The following TANC1 variants were observed in gnomAD, a reference collection of about 807,000 sequenced individuals.
TANC1 encodes tetratricopeptide repeat, ankyrin repeat and coiled-coil containing 1, also known as protein TANC1.
TANC1 carries 77 observed loss-of-function variants against 149.7 expected under a neutral mutation model. That is an observed-to-expected ratio of 0.51 (90% confidence interval 0.43 to 0.62). TANC1 has a LOEUF of 0.62. Among genes scored for constraint, TANC1 ranks in the 20% least tolerant of loss-of-function variants. TANC1 has a pLI of 0.00. For synonymous variants in TANC1, 854 were observed against 925.0 expected (o/e 0.92, Z 1.39); for missense variants, 1,985 against 2,321.8 (o/e 0.85, Z 2.98).
chr2:159,053,288 AAAG>A (rs1173562383), intron 2 of TANC1, among the ~76,000 whole-genome samples: 109 of 152,240 alleles, frequency 7.2e-4, no homozygotes, highest in African/African-American at 2.4e-3. Flanking sequence ...GAAAAAAAAA[AAAG>A]AGAAAAAAAT....
intron 3 of TANC1, among the ~76,000 whole-genome samples, chr2:159,074,721 C>T (rs2043480375): frequency 6.6e-6 from 1 of 152,016 alleles, no homozygotes; most frequent in South Asian, 2.1e-4. Context: ...TTGTCTTAGT[C>T]TGCTTGAGCT....
chr2:159,083,360 ATGT>A (rs1230521871), intron 3 of TANC1, among the ~76,000 whole-genome samples: 1 of 151,568 alleles, frequency 6.6e-6, no homozygotes, highest in South Asian at 2.1e-4. Flanking sequence ...CCCACCAGCC[ATGT>A]TGTATGTGAC....
At position 159,150,536 on chromosome 2, in the gene TANC1, GC is replaced by G. The variant is rs757538357; in HGVS notation, c.663del (p.Ser221ArgfsTer7). ...AGCAGCCCTAGTTCCACCCTGGAAA[GC>G]AAGGACAGTGGAATTATAGGTAAGA... ...TISSPSSTLE[S>X]KDSGIIATIT... On this transcript the variant is annotated frameshift_variant, in exon 7 of 27. Coordinates refer to ENST00000263635, the MANE Select transcript of TANC1 (RefSeq NM_033394.3). LOFTEE classifies it high-confidence loss of function. 2 of 1,613,910 alleles carry G rather than the reference GC, an allele frequency of 1.2e-6. No homozygotes were observed. The highest frequency in any genetic ancestry group is 1.7e-6 in the Non-Finnish European group (2 of 1,179,824).
In TANC1 at chr2:159,152,246, T is replaced by C. The variant is rs541178687; in HGVS notation, c.682+1690T>C. ...TTTCCCAGCGTTACTTCTGTTCTTA[T>C]GCCCTATCTCTTCTGAGCTGTCCAC... is the stretch of plus-strand genomic sequence containing the variant. On this transcript the variant is annotated intron_variant, in intron 7 of 26. Transcript: ENST00000263635. Among the ~76,000 whole-genome samples the C allele has an allele frequency of 9.8e-5, 15 of 152,326 alleles. 1 individual carries two copies. The highest frequency in any genetic ancestry group is 2.1e-4 in the South Asian group (1 of 4,818).
chr2:159,003,183 A>T (rs2036781780), intron 2 of TANC1, among the ~76,000 whole-genome samples: 1 of 152,198 alleles, frequency 6.6e-6, no homozygotes, highest in South Asian at 2.1e-4. Context: ...ATATGTGCTC[A>T]CTGGTGCCAA....
chr2:159,230,327 C>G lies in TANC1; in HGVS notation c.4901C>G (p.Ser1634Cys), dbSNP rs1483751577. 2 of 1,614,164 alleles carry G rather than the reference C, an allele frequency of 1.2e-6. No homozygotes were observed. Among genetic ancestry groups the G allele is most frequent in the East Asian group, 2.2e-5 (1 of 44,878 alleles). Residue 1634 changes from serine (S) to cysteine (C), a missense_variant, in exon 27 of 27, where the codon TCC (serine) becomes TGC (cysteine). By Grantham distance (112) the Ser-to-Cys change is moderately radical. Transcript: ENST00000263635. This position sits in a 1 kb window ranked among gnomAD's most constrained non-coding sequence, Gnocchi z 4.4. ...TKTTERLLSH[S>C]SVAVDAAPPN... ...ACCACAGAGAGGCTTCTGTCTCATT[C>G]CTCCGTGGCTGTGGACGCAGCCCCT...
rs574908038 is a variant in TANC1 at position 159,192,023 on chromosome 2, GA to G, written c.2743-2224del. ...TTTGTATCTAATGATCTGAAGATCT[GA>G]AAAAAAAAATATTATTATACCTAAA... On this transcript the variant is annotated intron_variant, in intron 16 of 26. Coordinates refer to ENST00000263635, the MANE Select transcript of TANC1 (RefSeq NM_033394.3). Among the ~76,000 whole-genome samples, 485 of 149,262 alleles carry G rather than the reference GA, an allele frequency of 3.2e-3. 4 individuals carry two copies. The highest frequency in any genetic ancestry group is 0.011 in the African/African-American group (441 of 40,832).
At chr2:159,025,241 T>TTTCTTTC (rs1559144600) in intron 2 of TANC1, among the ~76,000 whole-genome samples, 4 of 47,410 alleles carry the variant, frequency 8.4e-5, no homozygotes, top group Non-Finnish European at 2.0e-4. Flanking sequence ...TTCTTTCTTT[T>TTTCTTTC]CTCCTTCCTT....
Position 159,224,360 on chromosome 2 carries a change from GT to G in TANC1, c.3809del (p.Leu1270Ter). 1 of 1,614,150 alleles carries G rather than the reference GT, an allele frequency of 6.2e-7. No individual in the cohort carries two copies. On this transcript the variant is annotated frameshift_variant, in exon 23 of 27. Coordinates refer to ENST00000263635, the MANE Select transcript of TANC1 (RefSeq NM_033394.3). LOFTEE classifies it high-confidence loss of function. ...VVALLRKGAK[L>X]GNAAWAMATS... The stretch of plus-strand genomic sequence containing the variant: ...TGGCGCTACTCAGAAAGGGAGCCAA[GT>G]TAGGTCAGTGAGCACTGCCTCCATT...
chr2:159,223,893 A>G (rs145514866), intron 22 of TANC1, among the ~76,000 whole-genome samples: 9 of 152,150 alleles, frequency 5.9e-5, no homozygotes, highest in Non-Finnish European at 1.2e-4. Context: ...TCTGCTGCCT[A>G]CTTCATTGGA....
chr2:159,220,877 C>A (rs13407515), intron 22 of TANC1, among the ~76,000 whole-genome samples: 1 of 152,060 alleles, frequency 6.6e-6, no homozygotes, highest in Non-Finnish European at 1.5e-5. Context: ...CCACCATGCC[C>A]GGACAAAGTT....
intron 2 of TANC1, among the ~76,000 whole-genome samples, chr2:159,019,822 A>T (rs1020479266): frequency 1.3e-5 from 2 of 151,728 alleles, no homozygotes; most frequent in Non-Finnish European, 2.9e-5. Flanking sequence ...GGGTTTCGAC[A>T]TGTTGGCCAG....
At chr2:159,192,193 C>A (rs1282524044) in intron 16 of TANC1, among the ~76,000 whole-genome samples, 1 of 152,214 alleles carries the variant, frequency 6.6e-6, no homozygotes, top group Non-Finnish European at 1.5e-5. Flanking sequence ...ATGCTGCGGA[C>A]AATCATGGCA....
chr2:159,140,198 G>A (rs1333323645), intron 5 of TANC1, among the ~76,000 whole-genome samples: 1 of 151,716 alleles, frequency 6.6e-6, no homozygotes, highest in African/African-American at 2.4e-5. Context: ...CTGCAGCCTG[G>A]GAGACAGAGT....
At chr2:158,993,339 C>T (rs542692587) in intron 1 of TANC1, among the ~76,000 whole-genome samples, 1 of 152,244 alleles carries the variant, frequency 6.6e-6, no homozygotes, top group East Asian at 1.9e-4. Flanking sequence ...CTTACTTGAG[C>T]CTCCTAGGCT....
intron 3 of TANC1, among the ~76,000 whole-genome samples, chr2:159,068,718 T>C (rs191622284): frequency 1.3e-5 from 2 of 152,290 alleles, no homozygotes; most frequent in African/African-American, 4.8e-5. Flanking sequence ...CAATATTATG[T>C]TTGTTGGTTC....
intron 2 of TANC1, among the ~76,000 whole-genome samples, chr2:159,037,116 G>A (rs980848053): frequency 3.3e-5 from 5 of 152,194 alleles, no homozygotes; most frequent in Admixed American, 3.3e-4. Flanking sequence ...ACCAGTGGAT[G>A]ATGAGCATTT....
chr2:159,011,707 C>T (rs1378680937), intron 2 of TANC1, among the ~76,000 whole-genome samples: 2 of 151,942 alleles, frequency 1.3e-5, no homozygotes, highest in Non-Finnish European at 2.9e-5. Flanking sequence ...GGTCAAATTG[C>T]ACCTTTTTAA....
At chr2:159,112,035 G>A (rs1309371478) in intron 4 of TANC1, among the ~76,000 whole-genome samples, 4 of 152,168 alleles carry the variant, frequency 2.6e-5, no homozygotes, top group Admixed American at 2.6e-4. Context: ...GTGGACTACA[G>A]CTCTTCAGTG....
Sources: allele counts gnomAD v4.1 joint callset (sites outside exome capture counted in the v4.1 genomes callset), GRCh38; gene constraint gnomAD v4.1.1; non-coding constraint Gnocchi (gnomAD v3.1); transcripts MANE v1.5; gene names NCBI Gene and HGNC (gene_info 2026-07-23, HGNC 2026-07-21).